The following MCTP1 variants were observed in gnomAD, a reference collection of about 807,000 sequenced individuals.
MCTP1 encodes the protein multiple C2 and transmembrane domain containing 1.
In MCTP1, 69 loss-of-function variants were observed where a neutral mutation model predicts 120.6. The observed-to-expected ratio is 0.57, with a 90% CI of 0.47 to 0.70. The LOEUF (loss-of-function observed/expected upper bound fraction) is 0.70. Among genes scored for constraint, MCTP1 ranks in the 30% least tolerant of loss-of-function variants. The pLI is 0.00. For synonymous variants in MCTP1, 529 were observed against 493.1 expected (o/e 1.07, Z -0.96); for missense variants, 1,203 against 1,248.8 (o/e 0.96, Z 0.55).
chr5:94,805,875 A>T (rs1782164594), intron 17 of MCTP1, among the ~76,000 whole-genome samples: 1 of 148,698 alleles, frequency 6.7e-6, no homozygotes, highest in Non-Finnish European at 1.5e-5. Context: ...CTGACTCTAC[A>T]GTAAATGGTC....
intron 3 of MCTP1, among the ~76,000 whole-genome samples, chr5:94,945,208 C>A (rs32914): frequency 0.72 from 109,804 of 151,962 alleles, 39,787 homozygotes; most frequent in East Asian, 0.84. Context: ...TGGGTCCTTC[C>A]CACCACTAGT....
rs188806901 is a variant in MCTP1 at position 95,121,194 on chromosome 5, C to T, written c.721-103710G>A. Among the ~76,000 whole-genome samples, 961 of 138,998 alleles carry T rather than the reference C, an allele frequency of 6.9e-3. 14 individuals carry two copies. Among genetic ancestry groups the T allele is most frequent in the African/African-American group, 0.024 (931 of 38,110 alleles). The allele number at this position is 138,998 out of a possible 152,430, so 91.2% of individuals were successfully genotyped here. On this transcript the variant is annotated intron_variant, in intron 1 of 22. Transcript: ENST00000515393. Reference sequence around the variant, plus strand: ...TCAGGAGGCTGAGGCAGGAGAATGGCGTGAACCCAGGAGGCGGAGCTTGCA... The same window carrying T: ...TCAGGAGGCTGAGGCAGGAGAATGGTGTGAACCCAGGAGGCGGAGCTTGCA...
chr5:94,961,888 G>A (rs896706061), intron 2 of MCTP1, among the ~76,000 whole-genome samples: 24 of 152,068 alleles, frequency 1.6e-4, no homozygotes, highest in Admixed American at 1.3e-4. Context: ...CCCACTTTTC[G>A]ATGTGATTTT....
At chr5:94,816,927 C>T (rs1784577877) in intron 17 of MCTP1, among the ~76,000 whole-genome samples, 1 of 152,060 alleles carries the variant, frequency 6.6e-6, no homozygotes, top group African/African-American at 2.4e-5. Context: ...ATGTTATTTT[C>T]TTCTTCTTAC....
At chr5:94,947,364 T>C (rs753019064) in intron 3 of MCTP1, among the ~76,000 whole-genome samples, 14 of 151,746 alleles carry the variant, frequency 9.2e-5, no homozygotes, top group Non-Finnish European at 1.3e-4. Flanking sequence ...ACAGGGAGTA[T>C]CTAATTGGCA....
chr5:95,219,641 C>A (rs1027110507), intron 1 of MCTP1, among the ~76,000 whole-genome samples: 1 of 152,124 alleles, frequency 6.6e-6, no homozygotes, highest in Admixed American at 6.5e-5. Context: ...ACAGAGCCAT[C>A]CCCAGGAGAC....
chr5:95,032,249 A>G (rs1424100279), intron 1 of MCTP1, among the ~76,000 whole-genome samples: 1 of 152,152 alleles, frequency 6.6e-6, no homozygotes, highest in Non-Finnish European at 1.5e-5. Context: ...GACCTACCAG[A>G]CATCTACAGA....
intron 1 of MCTP1, among the ~76,000 whole-genome samples, chr5:95,172,667 T>A (rs147843809): frequency 2.6e-4 from 40 of 152,290 alleles, no homozygotes; most frequent in African/African-American, 9.1e-4. Context: ...GAATTTTGCC[T>A]TTTATCAGTG....
intron 21 of MCTP1, chr5:94,709,520 A>G (rs1425831204): frequency 4.6e-5 from 7 of 152,128 alleles, no homozygotes; most frequent in Non-Finnish European, 1.0e-4. Context: ...AGATGACTCC[A>G]CAAGCCAAGG....
intron 1 of MCTP1, among the ~76,000 whole-genome samples, chr5:95,214,857 G>A (rs1752851650): frequency 8.3e-6 from 1 of 119,776 alleles, no homozygotes; most frequent in Admixed American, 1.1e-4. Context: ...ACACACCGGG[G>A]ACTGTTGTGG....
intron 1 of MCTP1, among the ~76,000 whole-genome samples, chr5:95,163,004 A>G (rs1011210379): frequency 6.6e-6 from 1 of 152,198 alleles, no homozygotes; most frequent in South Asian, 2.1e-4. Flanking sequence ...TGTGATGCAG[A>G]CCTTCAACAT....
At chr5:94,793,634 A>C (rs887356283) in intron 18 of MCTP1, 3 of 152,314 alleles carry the variant, frequency 2.0e-5, no homozygotes, top group South Asian at 2.1e-4. Flanking sequence ...AGAGAGTCTA[A>C]CTGTATGTTC....
intron 1 of MCTP1, among the ~76,000 whole-genome samples, chr5:95,191,689 G>A (rs1749843138): frequency 6.6e-6 from 1 of 151,916 alleles, no homozygotes; most frequent in African/African-American, 2.4e-5. Context: ...TCTTTCTCAA[G>A]TGGTCAATAG....
intron 10 of MCTP1, among the ~76,000 whole-genome samples, chr5:94,905,293 A>G (rs903486864): frequency 6.6e-6 from 1 of 152,250 alleles, no homozygotes; most frequent in Non-Finnish European, 1.5e-5. Flanking sequence ...CAGATTGTGC[A>G]AAGTCTTATA....
rs917913385 is a variant in MCTP1, at chr5:95,022,013, A to G, written c.721-4529T>C. On this transcript the variant is annotated intron_variant, in intron 1 of 22. Transcript: ENST00000515393. ...ATCATACAGAATTTTTGGTTGATAGATTTTTGTAACATTGAATCATCTTCA... is the reference window on the plus strand; with the variant it reads ...ATCATACAGAATTTTTGGTTGATAGGTTTTTGTAACATTGAATCATCTTCA... Among the ~76,000 whole-genome samples the G allele has an allele frequency of 3.9e-5, 6 of 152,300 alleles. No individual in the cohort carries two copies. The South Asian group carries it at 1.2e-3, about 32-fold the overall frequency.
chr5:95,059,106 G>GAT (rs1748217849), intron 1 of MCTP1, among the ~76,000 whole-genome samples: 1 of 151,998 alleles, frequency 6.6e-6, no homozygotes, highest in African/African-American at 2.4e-5. Flanking sequence ...CTACTATAAT[G>GAT]ATATATGCAC....
intron 2 of MCTP1, chr5:94,976,935 A>C (rs1248039677): frequency 1.3e-5 from 2 of 152,158 alleles, no homozygotes; most frequent in Non-Finnish European, 2.9e-5. Flanking sequence ...GCCCACTCTC[A>C]CCACTTCCAT....
At position 95,016,786 on chromosome 5, in the gene MCTP1, G is replaced by A. The variant is rs192868274; in HGVS notation, c.838+581C>T. On this transcript the variant is annotated intron_variant, in intron 2 of 22. Coordinates refer to ENST00000515393, the MANE Select transcript of MCTP1 (RefSeq NM_024717.7). ...GAAATCCCTCATGTGGCCTATCCTC[G>A]TTCATCAAGAGATTGCATTGGGATT... Among the ~76,000 whole-genome samples the A allele has an allele frequency of 1.2e-4, 19 of 152,114 alleles. No individual in the cohort carries two copies. The East Asian group carries it at 2.5e-3, about 20-fold the overall frequency.
At chr5:95,021,777 T>C (rs1838237014) in intron 1 of MCTP1, among the ~76,000 whole-genome samples, 3 of 152,118 alleles carry the variant, frequency 2.0e-5, no homozygotes, top group South Asian at 2.1e-4. Flanking sequence ...TATTTTTAAA[T>C]CTTATTGTGT....
Sources: allele counts gnomAD v4.1 joint callset (sites outside exome capture counted in the v4.1 genomes callset), GRCh38; gene constraint gnomAD v4.1.1; transcripts MANE v1.5; gene names NCBI Gene and HGNC (gene_info 2026-07-23, HGNC 2026-07-21).